Variants in CLCN2 observed in about 807,000 individuals in gnomAD.
CLCN2 encodes the protein chloride channel protein 2.
CLCN2 carries 72 observed loss-of-function variants against 108.3 expected under a neutral mutation model. The ratio of observed to expected loss-of-function variants is 0.66; its 90% CI spans 0.55 to 0.81. The LOEUF is 0.81. CLCN2 is among the 30% of genes least tolerant of loss of function. CLCN2 has a pLI of 0.00. For missense variants in CLCN2, 1,048 were observed against 1,205.2 expected, an observed-to-expected ratio of 0.87 and a Z score of 1.93; for synonymous variants, 471 against 467.1, an observed-to-expected ratio of 1.01 and a Z score of -0.11.
chr3:184,350,436 C>T (rs1180470240), intron 22 of CLCN2, among the ~76,000 whole-genome samples: 2 of 152,088 alleles, frequency 1.3e-5, no homozygotes, highest in African/African-American at 2.4e-5. Context: ...AGTTCTGCTA[C>T]TTATTATTAT....
At position 184,353,119 on chromosome 3, in the gene CLCN2, G is replaced by A. The variant is rs199641673; in HGVS notation, c.2057C>T (p.Ala686Val). The A allele has an allele frequency of 9.9e-6, 16 of 1,614,160 alleles. 1 individual carries two copies. The highest frequency in any genetic ancestry group is 5.5e-5 in the South Asian group (5 of 91,088). ...QVNTEDSAFPAARGETHKPLK... is the reference protein window; with the variant it reads ...QVNTEDSAFPVARGETHKPLK... ...GGGCTTGTGGGTCTCCCCCCGGGCT[G>A]CTGGGAAGGCTGAGTCTTCTGTGTT... Residue 686 changes from alanine to valine, a missense_variant, in exon 18 of 24, where the codon GCA becomes GTA. Coordinates refer to ENST00000265593, the MANE Select transcript of CLCN2 (RefSeq NM_004366.6).
intron 22 of CLCN2, chr3:184,347,312 G>A (rs1263874670): frequency 2.1e-6 from 1 of 469,422 alleles, no homozygotes; most frequent in Non-Finnish European, 3.9e-6. Flanking sequence ...GGGGACGTGG[G>A]ACAGAACAAC....
intron 19 of CLCN2, 40 bp downstream of exon 19, chr3:184,352,697 G>A: frequency 1.2e-6 from 2 of 1,603,692 alleles, no homozygotes; most frequent in South Asian, 1.1e-5. Flanking sequence ...GAGGGAGCTG[G>A]GGAAAAAGCA....
At chr3:184,352,139 G>A in intron 21 of CLCN2, 22 bp from the exon 22 acceptor site, 1 of 1,605,742 alleles carries the variant, frequency 6.2e-7, no homozygotes, top group Non-Finnish European at 8.5e-7. Flanking sequence ...AGACTATGAG[G>A]TTTAGGGAGA....
chr3:184,358,848 C>A, intron 2 of CLCN2, 35 bp from the exon 3 acceptor site: 1 of 1,613,886 alleles, frequency 6.2e-7, no homozygotes, highest in East Asian at 2.2e-5. Flanking sequence ...GGGAGGATGG[C>A]ACCAAAGTGC....
At position 184,359,001 on chromosome 3, in the gene CLCN2, C is replaced by T; in HGVS notation, c.194G>A (p.Gly65Glu). ...GCGGCATCGGGCGCAACGGCTCCGT[C>T]CATATTCCAAGAGCTCTGGGGCAGC... ...SRAAPELLEY[G>E]RSRCARCRVC... The change falls in exon 2 of 24, where the codon GGA (glycine) becomes GAA (glutamate). Residue 65 changes from glycine to glutamate, a missense_variant. Coordinates refer to ENST00000265593, the MANE Select transcript of CLCN2 (RefSeq NM_004366.6). The T allele has an allele frequency of 2.5e-6, 4 of 1,613,648 alleles. No individual in the cohort carries two copies. Among genetic ancestry groups the T allele is most frequent in the Non-Finnish European group, 3.4e-6 (4 of 1,180,036 alleles).
chr3:184,355,860 A>C lies in CLCN2; in HGVS notation c.1086-82T>G. 2 of 1,113,460 alleles carry C rather than the reference A, an allele frequency of 1.8e-6. No individual in the cohort carries two copies. Among genetic ancestry groups the C allele is most frequent in the Non-Finnish European group, 2.7e-6 (2 of 738,604 alleles). 69.0% of individuals were successfully genotyped at this position (1,113,460 alleles called of 1,614,324 possible). On this transcript the variant is annotated intron_variant, in intron 10 of 23. Transcript: ENST00000265593. This position sits in a 1 kb window ranked among gnomAD's most constrained non-coding sequence, Gnocchi z 6.3. ...TATCTCAGGGCTGAGGTCAGAGCAG[A>C]GCCTTGGCTCTTTCATGAAAACACT...
Position 184,361,073 on chromosome 3 carries a change from A to G in CLCN2, c.63+344T>C, listed in dbSNP as rs1221054496. 4.6e-5 allele frequency among the ~76,000 whole-genome samples: 7 copies of G among 152,168 alleles called. No homozygotes were observed. Among genetic ancestry groups the G allele is most frequent in the African/African-American group, 7.2e-5 (3 of 41,442 alleles). On this transcript the variant is annotated intron_variant, in intron 1 of 23. Transcript: ENST00000265593. The surrounding 1 kb of genome is among the most constrained non-coding windows in gnomAD (Gnocchi z 6.6). ...GAGATAGTGGCGTAGAGAAAGTTCA[A>G]TGGTGTGAATGGTGCCGCGGAAGGG...
rs1391497187 is a variant in CLCN2, at chr3:184,358,716, C to T, written c.318G>A (p.Trp106Ter). 1.3e-6 allele frequency: 2 copies of T among 1,589,392 alleles called. No homozygotes were observed. Among genetic ancestry groups the T allele is most frequent in the Non-Finnish European group, 1.7e-6 (2 of 1,166,678 alleles). ...AGGCAGCAATGGCATAGTCCATGAC[C>T]CAGCTGACCAATGCCATGAGAAGCC... Reference protein sequence around the residue: ...LLGLLMALVSWVMDYAIAACL... With the variant: ...LLGLLMALVS Residue 106 changes from tryptophan to a stop codon, truncating the protein, a stop_gained, in exon 3 of 24, where the codon TGG becomes TGA. Transcript: ENST00000265593. LOFTEE classifies it high-confidence loss of function.
In CLCN2 at chr3:184,355,370, C is replaced by T; in HGVS notation, c.1326+4G>A. 4 of 1,613,700 alleles carry T rather than the reference C, an allele frequency of 2.5e-6. No homozygotes were observed. Among genetic ancestry groups the T allele is most frequent in the Middle Eastern group, 1.7e-4 (1 of 5,784 alleles). On this transcript the variant is annotated splice_donor_region_variant and intron_variant, in intron 12 of 23. Coordinates refer to ENST00000265593, the MANE Select transcript of CLCN2 (RefSeq NM_004366.6). This position sits in a 1 kb window ranked among gnomAD's most constrained non-coding sequence, Gnocchi z 6.3. The stretch of plus-strand genomic sequence containing the variant: ...GGTTAGCAGTGTACACGTGAGGAGC[C>T]CACCTTCATGAGAATGAAGATGACC...
chr3:184,354,416 A>G, intron 14 of CLCN2, 102 bp from the exon 15 acceptor site: 1 of 1,341,030 alleles, frequency 7.5e-7, no homozygotes, highest in Non-Finnish European at 1.1e-6. Context: ...TGCCCAATAC[A>G]GTCCTGGGAT....
chr3:184,355,604 C>G lies in CLCN2; in HGVS notation c.1171-75G>C, dbSNP rs1158894573. ...AGAGGCCATGGGATCCCACGGGGAA[C>G]AAGGGGTCCCACAGTCACACTGGGG... On this transcript the variant is annotated intron_variant, in intron 11 of 23. Transcript: ENST00000265593. This position sits in a 1 kb window ranked among gnomAD's most constrained non-coding sequence, Gnocchi z 6.3. 1 of 1,606,228 alleles carries G rather than the reference C, an allele frequency of 6.2e-7. No individual in the cohort carries two copies. The highest frequency in any genetic ancestry group is 8.5e-7 in the Non-Finnish European group (1 of 1,173,036).
rs1182465781 is a variant in CLCN2 at position 184,356,844 on chromosome 3, T to C, written c.1085+149A>G. ...CAGGTAATTCATATGAATATAAAAA[T>C]GCTCAGTCAGCCTGGAAAACACTGC... On this transcript the variant is annotated intron_variant, in intron 10 of 23. Transcript: ENST00000265593. 4 of 675,928 alleles carry C rather than the reference T, an allele frequency of 5.9e-6. No individual in the cohort carries two copies. In the Admixed American group the frequency reaches 9.1e-5, roughly 15 times the overall value. 41.9% of individuals were successfully genotyped at this position (675,928 alleles called of 1,614,324 possible).
At chr3:184,353,569 G>T in intron 16 of CLCN2, 93 bp downstream of exon 16, 2 of 1,576,392 alleles carry the variant, frequency 1.3e-6, no homozygotes, top group Non-Finnish European at 1.7e-6. Context: ...ATTCCCTTTG[G>T]AACCAAGGAG....
Position 184,357,674 on chromosome 3 carries a change from G to A in CLCN2, c.718C>T (p.Leu240=). The change falls in exon 7 of 24, where the codon CTG becomes TTG. Residue 240 remains leucine, a synonymous_variant. Transcript: ENST00000265593. ...ACCCCCACGGCACAGGCGGCAGCCA[G>A]CATCTCTGTGTTCCGGGATTCATTC... is the stretch of plus-strand genomic sequence containing the variant. ...YENESRNTEM[L]AAACAVGVGC... 6.2e-7 allele frequency: 1 copy of A among 1,614,098 alleles called. No homozygotes were observed. The highest frequency in any genetic ancestry group is 8.5e-7 in the Non-Finnish European group (1 of 1,180,038).
Position 184,354,818 on chromosome 3 carries a change from C to T in CLCN2, c.1396+86G>A, listed in dbSNP as rs554751243. Reference sequence around the variant, plus strand: ...GTTCGGGCTAGGGCTGGACCAAAAACCCGCTCTTGGGCAGAGGGTTGGCTG... The same window carrying T: ...GTTCGGGCTAGGGCTGGACCAAAAATCCGCTCTTGGGCAGAGGGTTGGCTG... On this transcript the variant is annotated intron_variant, in intron 13 of 23. Transcript: ENST00000265593. 8.9e-5 allele frequency: 135 copies of T among 1,509,268 alleles called. No homozygotes were observed. The African/African-American group carries it at 1.7e-3, about 19-fold the overall frequency. The allele number at this position is 1,509,268 out of a possible 1,614,324, so 93.5% of individuals were successfully genotyped here.
rs534747168 is a variant in CLCN2 at position 184,350,905 on chromosome 3, G to A, written c.2415+1108C>T. Among the ~76,000 whole-genome samples, 7 of 152,286 alleles carry A rather than the reference G, an allele frequency of 4.6e-5. No individual in the cohort carries two copies. The South Asian group carries it at 1.5e-3, about 32-fold the overall frequency. ...CGCACATAGCAAGCACTCGAAAAAT[G>A]TCAGCATGATCATCATCATGGATGT... On this transcript the variant is annotated intron_variant, in intron 22 of 23. Coordinates refer to ENST00000265593, the MANE Select transcript of CLCN2 (RefSeq NM_004366.6).
At chr3:184,358,912 T>C in intron 2 of CLCN2, 63 bp downstream of exon 2, 1 of 1,612,606 alleles carries the variant, frequency 6.2e-7, no homozygotes, top group Non-Finnish European at 8.5e-7. Context: ...TCAGCAGCTC[T>C]AATGGCCTCT....
At position 184,357,701 on chromosome 3, in the gene CLCN2, G is replaced by T; in HGVS notation, c.694-3C>A. 1 of 1,614,104 alleles carries T rather than the reference G, an allele frequency of 6.2e-7. No homozygotes were observed. Among genetic ancestry groups the T allele is most frequent in the Non-Finnish European group, 8.5e-7 (1 of 1,180,046 alleles). On this transcript the variant is annotated splice_region_variant and splice_polypyrimidine_tract_variant and intron_variant, in intron 6 of 23. Coordinates refer to ENST00000265593, the MANE Select transcript of CLCN2 (RefSeq NM_004366.6). ...ATCTCTGTGTTCCGGGATTCATTCT[G>T]GCGAGAGTGGTGGCAAGAGGGGGTC...
Sources: allele counts gnomAD v4.1 joint callset (sites outside exome capture counted in the v4.1 genomes callset), GRCh38; gene constraint gnomAD v4.1.1; non-coding constraint Gnocchi (gnomAD v3.1); transcripts MANE v1.5; gene names NCBI Gene and HGNC (gene_info 2026-07-23, HGNC 2026-07-21).